Variants in BAG4 observed in about 807,000 individuals in gnomAD.
BAG4 encodes the protein BAG family molecular chaperone regulator 4.
Under a neutral mutation model 52.1 loss-of-function variants are expected in BAG4, and 28 were observed. The ratio of observed to expected loss-of-function variants is 0.54; its 90% CI spans 0.40 to 0.74. BAG4 has a LOEUF of 0.74. BAG4 is among the 30% of genes least tolerant of loss of function. The pLI, the probability that BAG4 is intolerant of heterozygous loss-of-function variation, is 0.00. For missense variants in BAG4, 525 were observed against 572.0 expected (o/e 0.92, Z 0.84); for synonymous variants, 208 against 217.0 (o/e 0.96, Z 0.37).
chr8:38,192,518 C>G (rs1205747059), intron 1 of BAG4, among the ~76,000 whole-genome samples, 170 bp from the exon 2 acceptor site: 1 of 152,018 alleles, frequency 6.6e-6, no homozygotes, highest in Non-Finnish European at 1.5e-5. Context: ...AGCGATCCAC[C>G]CACCTCAGCC....
At chr8:38,178,932 C>G (rs531507006) in intron 1 of BAG4, among the ~76,000 whole-genome samples, 1 of 151,556 alleles carries the variant, frequency 6.6e-6, no homozygotes, top group Non-Finnish European at 1.5e-5. Context: ...TCCAGGAGTT[C>G]GAGACCAGCC....
intron 2 of BAG4, among the ~76,000 whole-genome samples, chr8:38,193,179 G>T (rs1803504254): frequency 2.0e-5 from 3 of 152,034 alleles, no homozygotes. Context: ...AGCACTTTGG[G>T]AGACCAAGGC....
At chr8:38,195,954 ATC>A (rs1469441467) in intron 2 of BAG4, among the ~76,000 whole-genome samples, 3 of 152,006 alleles carry the variant, frequency 2.0e-5, no homozygotes, top group African/African-American at 7.3e-5. Context: ...CTACTTTTTT[ATC>A]TCTCAGGATT....
At chr8:38,190,181 T>C (rs557785461) in intron 1 of BAG4, among the ~76,000 whole-genome samples, 1 of 152,324 alleles carries the variant, frequency 6.6e-6, no homozygotes, top group African/African-American at 2.4e-5. Flanking sequence ...ATTTTATCTT[T>C]CCTTGTCCTC....
rs1169583823 is a variant in BAG4 at position 38,212,620 on chromosome 8, C to A, written c.*2127C>A. ...GCCTTGCATTTAGCTATCATGCCTA[C>A]GTCCTGTCTTCCAGTCTGTGACAGT... On this transcript the variant is annotated 3_prime_UTR_variant, in exon 5 of 5. Transcript: ENST00000287322. 6.6e-6 allele frequency: 1 copy of A among 152,304 alleles called. No homozygotes were observed. The highest frequency in any genetic ancestry group is 1.9e-4 in the East Asian group (1 of 5,190). 9.4% of individuals were successfully genotyped at this position (152,304 alleles called of 1,614,324 possible). A position where few individuals can be genotyped will look rare whatever the true frequency, so the allele number is the denominator to read the frequency against.
In BAG4 at chr8:38,177,053, T is replaced by A. The variant is rs1803170490; in HGVS notation, c.184T>A (p.Trp62Arg). 2 of 1,609,848 alleles carry A rather than the reference T, an allele frequency of 1.2e-6. No homozygotes were observed. The highest frequency in any genetic ancestry group is 2.2e-5 in the South Asian group (2 of 90,548). The change falls in exon 1 of 5, where the codon TGG becomes AGG. Residue 62 changes from tryptophan to arginine, a missense_variant. Physicochemically the swap from Trp to Arg is moderately radical, Grantham distance 101. This residue lies in a region of BAG4 where 287 missense variants were observed against 266.1 expected (regional missense o/e 1.08). Coordinates refer to ENST00000287322, the MANE Select transcript of BAG4 (RefSeq NM_004874.4). ...CGGGGGCGGCCCGGCGGAGACCACC[T>A]GGCTGGGAGAAGGCGGAGGAGGCGA... is the stretch of plus-strand genomic sequence containing the variant. Reference protein sequence around the residue: ...VRGGGPAETTWLGEGGGGDGY... With the variant: ...VRGGGPAETTRLGEGGGGDGY...
At position 38,210,215 on chromosome 8, in the gene BAG4, C is replaced by A. The variant is rs1803843629; in HGVS notation, c.1096C>A (p.Pro366Thr). ...CAATCAAGATCAAAGTAGCAGTCTT[C>A]CTGAAGAATGTGTACCTTCAGATGA... is the stretch of plus-strand genomic sequence containing the variant. ...PNNQDQSSSLPEECVPSDEST... is the reference protein window; with the variant it reads ...PNNQDQSSSLTEECVPSDEST... Residue 366 changes from proline to threonine, a missense_variant, in exon 5 of 5, where the codon CCT becomes ACT. By Grantham distance (38) the Pro-to-Thr change is conservative (BLOSUM62 -1). Coordinates refer to ENST00000287322, the MANE Select transcript of BAG4 (RefSeq NM_004874.4). 2 of 1,613,922 alleles carry A rather than the reference C, an allele frequency of 1.2e-6. No individual in the cohort carries two copies. Among genetic ancestry groups the A allele is most frequent in the African/African-American group, 2.7e-5 (2 of 74,858 alleles).
In BAG4 at chr8:38,207,651, A is replaced by C. The variant is rs780697101; in HGVS notation, c.518A>C (p.Tyr173Ser). Residue 173 changes from tyrosine (Y) to serine (S), a missense_variant, in exon 3 of 5, where the codon TAC becomes TCC. Physicochemically the swap from Tyr to Ser is moderately radical, Grantham distance 144. Coordinates refer to ENST00000287322, the MANE Select transcript of BAG4 (RefSeq NM_004874.4). The stretch of plus-strand genomic sequence containing the variant: ...TACTCCACAGAAGTTCCAAGTACTT[A>C]CCGTTCATCTGGCAACAGCCCAACT... ...TSYSTEVPST[Y>S]RSSGNSPTPV... 5.0e-6 allele frequency: 8 copies of C among 1,613,990 alleles called. No individual in the cohort carries two copies. The East Asian group carries it at 1.8e-4, about 36-fold the overall frequency.
At position 38,211,847 on chromosome 8, in the gene BAG4, G is replaced by A. The variant is rs1803872996; in HGVS notation, c.*1354G>A. 1 of 152,046 alleles carries A rather than the reference G, an allele frequency of 6.6e-6. No homozygotes were observed. Among genetic ancestry groups the A allele is most frequent in the Admixed American group, 6.6e-5 (1 of 15,262 alleles). 9.4% of individuals were successfully genotyped at this position (152,046 alleles called of 1,614,324 possible). ...TATGCTGTTAGATAGAAGAGACTTAGGTAAATAACTTTTTATGTCTGAGGT... is the reference window on the plus strand; with the variant it reads ...TATGCTGTTAGATAGAAGAGACTTAAGTAAATAACTTTTTATGTCTGAGGT... On this transcript the variant is annotated 3_prime_UTR_variant, in exon 5 of 5. Coordinates refer to ENST00000287322, the MANE Select transcript of BAG4 (RefSeq NM_004874.4).
At chr8:38,199,526 CT>C (rs148882011) in intron 2 of BAG4, among the ~76,000 whole-genome samples, 266 of 141,378 alleles carry the variant, frequency 1.9e-3, no homozygotes, top group Middle Eastern at 7.4e-3. Flanking sequence ...CCTGTGATTT[CT>C]TTTTTTTTTT....
chr8:38,210,255 G>A lies in BAG4; in HGVS notation c.1136G>A (p.Ser379Asn), dbSNP rs1471178107. The A allele has an allele frequency of 1.9e-6, 3 of 1,613,950 alleles. No homozygotes were observed. Among genetic ancestry groups the A allele is most frequent in the East Asian group, 4.5e-5 (2 of 44,892 alleles). Reference protein sequence around the residue: ...CVPSDESTPPSIKKIIHVLEK... With the variant: ...CVPSDESTPPNIKKIIHVLEK... ...CCTTCAGATGAAAGTACTCCTCCGAGTATTAAAAAAATCATACATGTGCTG... is the reference window on the plus strand; with the variant it reads ...CCTTCAGATGAAAGTACTCCTCCGAATATTAAAAAAATCATACATGTGCTG... The change falls in exon 5 of 5, where the codon AGT becomes AAT. Residue 379 changes from serine (S) to asparagine (N), a missense_variant. Ser to Asn is a conservative substitution (Grantham distance 46). This residue lies in a region of BAG4 where 238 missense variants were observed against 305.8 expected (regional missense o/e 0.78). Transcript: ENST00000287322.
At chr8:38,191,443 C>T (rs187576904) in intron 1 of BAG4, among the ~76,000 whole-genome samples, 8 of 152,086 alleles carry the variant, frequency 5.3e-5, no homozygotes, top group African/African-American at 9.7e-5. Context: ...GAAAAAATGT[C>T]GAAGGTCCTG....
At chr8:38,203,548 G>C (rs1803719407) in intron 2 of BAG4, among the ~76,000 whole-genome samples, 2 of 152,120 alleles carry the variant, frequency 1.3e-5, no homozygotes, top group South Asian at 2.1e-4. Context: ...CTCCCAAAGT[G>C]CTCAGATTAC....
At chr8:38,184,205 G>A (rs1488105241) in intron 1 of BAG4, among the ~76,000 whole-genome samples, 10 of 152,078 alleles carry the variant, frequency 6.6e-5, no homozygotes, top group Non-Finnish European at 8.8e-5. Flanking sequence ...AGTGGCTCAC[G>A]CTTGTAATCC....
chr8:38,201,859 TATATATATATATATATATA>T (rs1563284036), intron 2 of BAG4: 12 of 8,958 alleles, frequency 1.3e-3, no homozygotes, highest in African/African-American at 2.9e-3. Context: ...TATATATATA[TATATATATATATATATATA>T]TATTTTTTTT....
chr8:38,201,372 C>T (rs1463113236), intron 2 of BAG4, among the ~76,000 whole-genome samples: 1 of 152,100 alleles, frequency 6.6e-6, no homozygotes, highest in African/African-American at 2.4e-5. Context: ...ATTGTAGTGG[C>T]ATAATCATAG....
At chr8:38,192,166 A>G (rs1803486404) in intron 1 of BAG4, among the ~76,000 whole-genome samples, 1 of 152,232 alleles carries the variant, frequency 6.6e-6, no homozygotes, top group Non-Finnish European at 1.5e-5. Flanking sequence ...TTATTGGTAA[A>G]TATAACAGTA....
rs1221270217 is a variant in BAG4 at position 38,212,106 on chromosome 8, T to C, written c.*1613T>C. ...ATTTTATAAGATAATATGGTGATAA[T>C]TTTATTCTAGGATTTTATTTTTGGC... On this transcript the variant is annotated 3_prime_UTR_variant, in exon 5 of 5. Coordinates refer to ENST00000287322, the MANE Select transcript of BAG4 (RefSeq NM_004874.4). 1 of 152,110 alleles carries C rather than the reference T, an allele frequency of 6.6e-6. No homozygotes were observed. The highest frequency in any genetic ancestry group is 6.6e-5 in the Admixed American group (1 of 15,252). 9.4% of individuals were successfully genotyped at this position (152,110 alleles called of 1,614,324 possible). A position where few individuals can be genotyped will look rare whatever the true frequency, so the allele number is the denominator to read the frequency against.
At chr8:38,181,644 G>A (rs1390141765) in intron 1 of BAG4, among the ~76,000 whole-genome samples, 1 of 151,820 alleles carries the variant, frequency 6.6e-6, no homozygotes, top group African/African-American at 2.4e-5. Context: ...GGCTGAGGCA[G>A]GAGAACCACT....
Sources: allele counts gnomAD v4.1 joint callset (sites outside exome capture counted in the v4.1 genomes callset), GRCh38; gene constraint gnomAD v4.1.1; regional missense constraint gnomAD v4.1.1; transcripts MANE v1.5; gene names NCBI Gene and HGNC (gene_info 2026-07-23, HGNC 2026-07-21).